TLL2: variants seen among roughly 807,000 people sequenced by gnomAD.
The protein encoded by TLL2 is tolloid-like protein 2.
A neutral mutation model predicts 123.0 loss-of-function variants in TLL2; 106 were observed. The ratio of observed to expected loss-of-function variants is 0.86; its 90% CI spans 0.74 to 1.01. TLL2 has a LOEUF of 1.01. Among genes scored for constraint, TLL2 ranks in the 50% least tolerant of loss-of-function variants. The pLI is 0.00. For synonymous variants in TLL2, 494 were observed against 516.8 expected (o/e 0.96, Z 0.60); for missense variants, 1,332 against 1,336.7 (o/e 1.00, Z 0.06).
At chr10:96,444,765 T>C (rs1846879845) in intron 3 of TLL2, among the ~76,000 whole-genome samples, 1 of 152,178 alleles carries the variant, frequency 6.6e-6, no homozygotes. Context: ...TATGCATTTG[T>C]GTAAAATTAC....
At chr10:96,500,190 C>T (rs1244686606) in intron 1 of TLL2, among the ~76,000 whole-genome samples, 1 of 148,480 alleles carries the variant, frequency 6.7e-6, no homozygotes, top group Non-Finnish European at 1.5e-5. Flanking sequence ...TTGTGGTGCA[C>T]ACCTATAGTC....
intron 7 of TLL2, 145 bp downstream of exon 7, chr10:96,420,811 G>A (rs1394194395): frequency 2.0e-5 from 14 of 689,644 alleles, no homozygotes; most frequent in East Asian, 1.8e-4. Flanking sequence ...TCACTGCAGC[G>A]CAGAGGCCAC....
chr10:96,408,446 C>T (rs141661127), intron 9 of TLL2, among the ~76,000 whole-genome samples: 222 of 152,294 alleles, frequency 1.5e-3, no homozygotes, highest in African/African-American at 5.1e-3. Context: ...TCTCTGTCCC[C>T]AGTTAGCACT....
In TLL2 at chr10:96,373,524, C is replaced by A; in HGVS notation, c.2662+72G>T. ...AGTCAGAATAAAAGGCAGTCCTTGT[C>A]GTGCCTTCACCATTTCTCTGTCTCC... On this transcript the variant is annotated intron_variant, in intron 19 of 20. Coordinates refer to ENST00000357947, the MANE Select transcript of TLL2 (RefSeq NM_012465.4). The A allele has an allele frequency of 2.1e-6, 3 of 1,426,140 alleles. No individual in the cohort carries two copies. The South Asian group carries it at 3.5e-5, about 17-fold the overall frequency. The allele number at this position is 1,426,140 out of a possible 1,614,324, so 88.3% of individuals were successfully genotyped here. A position where few individuals can be genotyped will look rare whatever the true frequency, so the allele number is the denominator to read the frequency against.
Position 96,432,918 on chromosome 10 carries a change from G to A in TLL2, c.409C>T (p.His137Tyr). 1 of 1,614,112 alleles carries A rather than the reference G, an allele frequency of 6.2e-7. No homozygotes were observed. Among genetic ancestry groups the A allele is most frequent in the South Asian group, 1.1e-5 (1 of 91,074 alleles). The change falls in exon 4 of 21, where the codon CAT (histidine) becomes TAT (tyrosine). Residue 137 changes from histidine (H) to tyrosine (Y), a missense_variant. Transcript: ENST00000357947. ...GGAGAGAAGGTCTTGGCTGCGGCAT[G>A]CAAGGTCCCAGGGCTGTGCAGGAGT... is the stretch of plus-strand genomic sequence containing the variant. Reference protein sequence around the residue: ...TTLLHSPGTLHAAAKTFSPRV... With the variant: ...TTLLHSPGTLYAAAKTFSPRV...
chr10:96,374,210 T>A, intron 18 of TLL2: 1 of 214,282 alleles, frequency 4.7e-6, no homozygotes, highest in South Asian at 8.7e-5. Context: ...CAGCAAGGGC[T>A]GAGTGCCCAC....
At chr10:96,469,066 C>T (rs892631106) in intron 2 of TLL2, among the ~76,000 whole-genome samples, 54 of 152,248 alleles carry the variant, frequency 3.5e-4, no homozygotes, top group Non-Finnish European at 1.5e-4. Flanking sequence ...TGCCAGGCTG[C>T]GCCTGGTTCC....
At chr10:96,428,495 G>C (rs1846700888) in intron 5 of TLL2, 136 bp downstream of exon 5, 1 of 624,314 alleles carries the variant, frequency 1.6e-6, no homozygotes, top group Non-Finnish European at 2.8e-6. Context: ...TTTCACCAAG[G>C]GCAGAAAGTT....
intron 2 of TLL2, among the ~76,000 whole-genome samples, chr10:96,478,840 T>C (rs1004286590): frequency 6.6e-6 from 1 of 152,184 alleles, no homozygotes; most frequent in East Asian, 1.9e-4. Context: ...GTCTGGAATG[T>C]TCCTTATCTT....
At chr10:96,408,270 T>G (rs1846469821) in intron 9 of TLL2, among the ~76,000 whole-genome samples, 1 of 152,232 alleles carries the variant, frequency 6.6e-6, no homozygotes, top group African/African-American at 2.4e-5. Flanking sequence ...TTCAGGCTAA[T>G]TATTTTAAGT....
At chr10:96,374,231 G>T in intron 18 of TLL2, 1 of 216,268 alleles carries the variant, frequency 4.6e-6, no homozygotes, top group Non-Finnish European at 9.2e-6. Flanking sequence ...TCTGTCGGCA[G>T]CTGTTTTAAA....
intron 16 of TLL2, among the ~76,000 whole-genome samples, chr10:96,380,071 A>C (rs1349456712): frequency 6.6e-6 from 1 of 152,224 alleles, no homozygotes; most frequent in African/African-American, 2.4e-5. Flanking sequence ...TCACTTGTAA[A>C]ATGGAGACAG....
intron 1 of TLL2, among the ~76,000 whole-genome samples, chr10:96,502,196 A>C (rs573881504): frequency 6.6e-6 from 1 of 152,230 alleles, no homozygotes; most frequent in Admixed American, 6.5e-5. Flanking sequence ...GGAACCTGGC[A>C]GGTAAGGGGA....
chr10:96,408,176 T>G (rs1846469062), intron 9 of TLL2, among the ~76,000 whole-genome samples: 2 of 152,232 alleles, frequency 1.3e-5, no homozygotes, highest in African/African-American at 4.8e-5. Context: ...TTCTTTAGCC[T>G]TTGCTTTTTT....
At chr10:96,399,823 A>T (rs1371158354) in intron 10 of TLL2, among the ~76,000 whole-genome samples, 1 of 152,192 alleles carries the variant, frequency 6.6e-6, no homozygotes, top group Non-Finnish European at 1.5e-5. Flanking sequence ...TTTCCAAAAG[A>T]GAGGGAGACT....
chr10:96,512,033 A>G (rs1038675799), intron 1 of TLL2, among the ~76,000 whole-genome samples: 2 of 152,192 alleles, frequency 1.3e-5, no homozygotes, highest in Non-Finnish European at 1.5e-5. Flanking sequence ...GGTTTTCTCC[A>G]GTTGTCCAGG....
At chr10:96,444,721 A>G (rs947517283) in intron 3 of TLL2, among the ~76,000 whole-genome samples, 1 of 152,170 alleles carries the variant, frequency 6.6e-6, no homozygotes, top group African/African-American at 2.4e-5. Flanking sequence ...AAAAGAAGAT[A>G]ACACTTTTAA....
intron 18 of TLL2, 169 bp from the exon 19 acceptor site, chr10:96,373,978 G>T: frequency 3.2e-6 from 2 of 617,174 alleles, no homozygotes; most frequent in Non-Finnish European, 5.7e-6. Flanking sequence ...TGTAGAGAGG[G>T]TCTCAACCTC....
At chr10:96,476,241 T>TATATATATATATATATATATATAGTC in intron 2 of TLL2, among the ~76,000 whole-genome samples, 1 of 72,406 alleles carries the variant, frequency 1.4e-5, no homozygotes, top group African/African-American at 5.2e-5. Context: ...TATATATATA[T>TATATATATATATATATATATATAGTC]TTTATTTTTG....
Sources: allele counts gnomAD v4.1 joint callset (sites outside exome capture counted in the v4.1 genomes callset), GRCh38; gene constraint gnomAD v4.1.1; transcripts MANE v1.5; gene names NCBI Gene and HGNC (gene_info 2026-07-23, HGNC 2026-07-21).